Variants in BCAR3 observed in about 807,000 individuals in gnomAD.
BCAR3 encodes the protein BCAR3 adaptor protein, NSP family member, also known as breast cancer anti-estrogen resistance protein 3.
BCAR3 carries 37 observed loss-of-function variants against 80.1 expected under a neutral mutation model. The observed-to-expected ratio is 0.46, with a 90% CI of 0.36 to 0.61. The LOEUF is 0.61. BCAR3 is among the 20% of genes least tolerant of loss of function. The probability of loss-of-function intolerance (pLI) is 0.00; values close to 1 mark genes in which losing one functional copy is unlikely to be tolerated. For missense variants in BCAR3, 978 were observed against 1,068.2 expected, an observed-to-expected ratio of 0.92 and a Z score of 1.18; for synonymous variants, 389 against 418.9, an observed-to-expected ratio of 0.93 and a Z score of 0.87.
chr1:93,726,530 T>C (rs1364087391), intron 2 of BCAR3, among the ~76,000 whole-genome samples: 1 of 152,074 alleles, frequency 6.6e-6, no homozygotes, highest in South Asian at 2.1e-4. Context: ...TGATAGGGAG[T>C]TTTCCTGTCT....
intron 2 of BCAR3, among the ~76,000 whole-genome samples, chr1:93,669,715 C>T (rs757638699): frequency 2.2e-4 from 34 of 152,172 alleles, no homozygotes; most frequent in South Asian, 8.3e-4. Context: ...GGAACCAGTC[C>T]CCTCTCAGCC....
intron 2 of BCAR3, among the ~76,000 whole-genome samples, chr1:93,803,671 T>C (rs1653568767): frequency 2.0e-5 from 3 of 152,312 alleles, no homozygotes; most frequent in Middle Eastern, 3.4e-3. Context: ...ATGCCATCTG[T>C]GGTCCCAAAA....
At chr1:93,647,278 T>C (rs181751744) in intron 2 of BCAR3, among the ~76,000 whole-genome samples, 164 of 152,300 alleles carry the variant, frequency 1.1e-3, no homozygotes, top group South Asian at 1.9e-3. Context: ...CACAGAATCA[T>C]AGGACTGTTT....
intron 1 of BCAR3, among the ~76,000 whole-genome samples, chr1:93,677,209 C>T (rs1429045761): frequency 1.3e-5 from 2 of 152,168 alleles, no homozygotes; most frequent in Non-Finnish European, 2.9e-5. Context: ...TCAGAGAGGG[C>T]AACAATAGAG....
intron 2 of BCAR3, among the ~76,000 whole-genome samples, chr1:93,661,319 G>A (rs1363243406): frequency 1.3e-5 from 2 of 152,108 alleles, no homozygotes; most frequent in Non-Finnish European, 2.9e-5. Context: ...GATTACAGGT[G>A]TAAGCCACTG....
At chr1:93,762,043 C>T (rs1651963358) in intron 2 of BCAR3, among the ~76,000 whole-genome samples, 1 of 152,202 alleles carries the variant, frequency 6.6e-6, no homozygotes, top group Admixed American at 6.5e-5. Flanking sequence ...CTCTGTGCCA[C>T]ACCTTGTCAC....
intron 2 of BCAR3, among the ~76,000 whole-genome samples, chr1:93,749,889 A>AT (rs368121693): frequency 0.079 from 10,579 of 133,446 alleles, 434 homozygotes; most frequent in South Asian, 0.1. Flanking sequence ...ATCTTGACTT[A>AT]TTTTTTTTTT....
chr1:93,826,748 G>A (rs1571154094), intron 2 of BCAR3, among the ~76,000 whole-genome samples: 2 of 152,118 alleles, frequency 1.3e-5, no homozygotes, highest in South Asian at 2.1e-4. Flanking sequence ...CACTGAAGTC[G>A]AAACTTGAAG....
At chr1:93,845,252 T>C (rs1019161580) in intron 2 of BCAR3, among the ~76,000 whole-genome samples, 2 of 151,940 alleles carry the variant, frequency 1.3e-5, no homozygotes, top group Non-Finnish European at 1.5e-5. Flanking sequence ...AGAGCATCTC[T>C]TCTCCCATTT....
intron 3 of BCAR3, among the ~76,000 whole-genome samples, chr1:93,626,357 G>A (rs561602233): frequency 4.6e-5 from 7 of 152,314 alleles, no homozygotes; most frequent in East Asian, 1.9e-4. Flanking sequence ...ATAAACAAGA[G>A]GGGATTATTT....
chr1:93,767,548 C>T (rs1033612856), intron 2 of BCAR3, among the ~76,000 whole-genome samples: 1 of 150,608 alleles, frequency 6.6e-6, no homozygotes, highest in Non-Finnish European at 1.5e-5. Flanking sequence ...AAAGTTTATA[C>T]TTTTTGTGTT....
intron 2 of BCAR3, among the ~76,000 whole-genome samples, chr1:93,829,782 T>G (rs1654495092): frequency 6.6e-6 from 1 of 152,242 alleles, no homozygotes; most frequent in South Asian, 2.1e-4. Flanking sequence ...AATGGCTTAC[T>G]TCCAGACTTT....
chr1:93,571,640 T>G, intron 9 of BCAR3, 30 bp downstream of exon 9: 1 of 1,611,938 alleles, frequency 6.2e-7, no homozygotes, highest in Non-Finnish European at 8.5e-7. Flanking sequence ...TACAGAACAT[T>G]AAGTACACAT....
intron 2 of BCAR3, among the ~76,000 whole-genome samples, chr1:93,796,624 C>G (rs906764192): frequency 6.6e-6 from 1 of 152,142 alleles, no homozygotes; most frequent in African/African-American, 2.4e-5. Flanking sequence ...TTCTGCGTCG[C>G]TCACGCTGGG....
chr1:93,588,740 A>C (rs1057164457), intron 5 of BCAR3, among the ~76,000 whole-genome samples: 1 of 141,386 alleles, frequency 7.1e-6, no homozygotes, highest in Non-Finnish European at 1.5e-5. Flanking sequence ...TACCCCCTTC[A>C]CAAGGTATCC....
In BCAR3 at chr1:93,575,927, C is replaced by T. The variant is rs1316183398; in HGVS notation, c.1802+87G>A. ...CTGTTACCCCAGGGCTAGGCTGGTG[C>T]TGCGCCTCTCTTTGTTCTAAAACCT... On this transcript the variant is annotated intron_variant, in intron 8 of 11. Transcript: ENST00000260502. The T allele has an allele frequency of 3.5e-6, 4 of 1,139,526 alleles. No individual in the cohort carries two copies. In the African/African-American group the frequency reaches 4.6e-5, roughly 13 times the overall value. The allele number at this position is 1,139,526 out of a possible 1,614,324, so 70.6% of individuals were successfully genotyped here. A position where few individuals can be genotyped will look rare whatever the true frequency, so the allele number is the denominator to read the frequency against.
intron 2 of BCAR3, among the ~76,000 whole-genome samples, chr1:93,829,636 C>T (rs963046379): frequency 1.3e-5 from 2 of 151,996 alleles, no homozygotes; most frequent in African/African-American, 4.8e-5. Context: ...CAGGCACGAG[C>T]CACCACGCCT....
chr1:93,652,843 G>A (rs1676366859), intron 2 of BCAR3, among the ~76,000 whole-genome samples: 1 of 152,188 alleles, frequency 6.6e-6, no homozygotes, highest in South Asian at 2.1e-4. Context: ...TTAAGCTTAT[G>A]AAGTTTTAAA....
chr1:93,743,723 T>C (rs190555217), intron 2 of BCAR3, among the ~76,000 whole-genome samples: 295 of 152,348 alleles, frequency 1.9e-3, no homozygotes, highest in Non-Finnish European at 2.2e-3. Context: ...AGCTCATTCT[T>C]ACCCAGCTAC....
Sources: allele counts gnomAD v4.1 joint callset (sites outside exome capture counted in the v4.1 genomes callset), GRCh38; gene constraint gnomAD v4.1.1; transcripts MANE v1.5; gene names NCBI Gene and HGNC (gene_info 2026-07-23, HGNC 2026-07-21).